GALNT14: variants seen among roughly 807,000 people sequenced by gnomAD.
The protein encoded by GALNT14 is UDP-GalNAc:polypeptide N-acetylgalactosaminyltransferase 14.
In GALNT14, 60 loss-of-function variants were observed where a neutral mutation model predicts 77.5. That is an observed-to-expected ratio of 0.77 (90% CI 0.63 to 0.96). The LOEUF is 0.96. Among genes scored for constraint, GALNT14 ranks in the 40% least tolerant of loss-of-function variants. GALNT14 has a pLI of 0.00. For synonymous variants in GALNT14, 280 were observed against 281.7 expected (o/e 0.99, Z 0.06); for missense variants, 710 against 731.0 (o/e 0.97, Z 0.33).
chr2:30,972,481 G>A (rs530950240), intron 2 of GALNT14, among the ~76,000 whole-genome samples: 64 of 152,278 alleles, frequency 4.2e-4, no homozygotes, highest in Non-Finnish European at 6.9e-4. Flanking sequence ...CAGGCACCAC[G>A]CAGAGCACCT....
At chr2:31,081,112 C>T (rs1309806922) in intron 1 of GALNT14, among the ~76,000 whole-genome samples, 1 of 152,180 alleles carries the variant, frequency 6.6e-6, no homozygotes, top group African/African-American at 2.4e-5. Flanking sequence ...ATTTCAAATG[C>T]ATTGTTGCTG....
chr2:31,015,243 G>T (rs1360473484), intron 1 of GALNT14, among the ~76,000 whole-genome samples: 2 of 148,174 alleles, frequency 1.3e-5, no homozygotes, highest in Non-Finnish European at 3.0e-5. Context: ...AGTGAGCCAA[G>T]AGCGTACCAT....
At chr2:31,006,131 G>A (rs2148430501) in intron 1 of GALNT14, among the ~76,000 whole-genome samples, 1 of 152,266 alleles carries the variant, frequency 6.6e-6, no homozygotes, top group East Asian at 1.9e-4. Context: ...GGCTCCATGG[G>A]CTGGAATGGC....
chr2:31,131,611 C>T (rs140331720), intron 1 of GALNT14, among the ~76,000 whole-genome samples: 6 of 152,220 alleles, frequency 3.9e-5, no homozygotes, highest in Admixed American at 3.9e-4. Context: ...AAAACTGGTT[C>T]CTGGGTGTCT....
At chr2:31,066,113 C>A (rs1329816590) in intron 1 of GALNT14, among the ~76,000 whole-genome samples, 1 of 152,202 alleles carries the variant, frequency 6.6e-6, no homozygotes, top group South Asian at 2.1e-4. Flanking sequence ...GAGGAGGAGG[C>A]ATACATGACA....
At chr2:31,062,439 A>G (rs1257991441) in intron 1 of GALNT14, among the ~76,000 whole-genome samples, 2 of 151,984 alleles carry the variant, frequency 1.3e-5, no homozygotes, top group Non-Finnish European at 2.9e-5. Flanking sequence ...TATGTGCCAC[A>G]TTTTCTTTAT....
intron 1 of GALNT14, among the ~76,000 whole-genome samples, chr2:31,132,380 T>A (rs540134147): frequency 6.6e-6 from 1 of 152,132 alleles, no homozygotes; most frequent in Non-Finnish European, 1.5e-5. Context: ...AACCTGCCAT[T>A]TGCATATTTC....
chr2:30,904,842 C>G, the GALNT14 span, among the ~76,000 whole-genome samples: 1 of 152,098 alleles, frequency 6.6e-6, no homozygotes, highest in Non-Finnish European at 1.5e-5. Context: ...CAGTGGTTCT[C>G]CCAGCACGCA....
At chr2:31,105,590 G>C (rs1324761788) in intron 1 of GALNT14, among the ~76,000 whole-genome samples, 1 of 152,076 alleles carries the variant, frequency 6.6e-6, no homozygotes, top group Non-Finnish European at 1.5e-5. Context: ...GCCAGGTGTG[G>C]TGGCCCATGC....
intron 9 of GALNT14, among the ~76,000 whole-genome samples, chr2:30,932,958 T>C (rs1477791612): frequency 6.6e-6 from 1 of 152,190 alleles, no homozygotes; most frequent in Non-Finnish European, 1.5e-5. Flanking sequence ...GGTTGGCTGC[T>C]GCTATGGGCC....
intron 1 of GALNT14, among the ~76,000 whole-genome samples, chr2:31,030,850 T>C (rs146043671): frequency 5.3e-5 from 8 of 152,274 alleles, no homozygotes; most frequent in Admixed American, 2.6e-4. Flanking sequence ...ACAGCCTAGA[T>C]TTAGACATGG....
intron 1 of GALNT14, among the ~76,000 whole-genome samples, chr2:31,087,524 G>GGAGAAGAGAGGGGAGGAGAGGAGAA (rs1245087202): frequency 6.6e-6 from 1 of 151,186 alleles, no homozygotes; most frequent in Admixed American, 6.6e-5. Flanking sequence ...GGAGAGGAGA[G>GGAGAAGAGAGGGGAGGAGAGGAGAA]GCGAGGAGAG....
chr2:31,088,521 C>T lies in GALNT14; in HGVS notation c.129+49437G>A, dbSNP rs113516904. Among the ~76,000 whole-genome samples the T allele has an allele frequency of 1.9e-3, 295 of 152,198 alleles. 4 individuals are homozygous for T. The highest frequency in any genetic ancestry group is 6.7e-3 in the African/African-American group (280 of 41,534). On this transcript the variant is annotated intron_variant, in intron 1 of 14. Coordinates refer to ENST00000349752, the MANE Select transcript of GALNT14 (RefSeq NM_024572.4). ...TAGCCTCTGGATGAAGGAGAATGAG[C>T]GATGTGTGGCACAGGCTTGGGACAC...
At chr2:30,993,919 C>T (rs1007451801) in intron 1 of GALNT14, among the ~76,000 whole-genome samples, 4 of 152,138 alleles carry the variant, frequency 2.6e-5, no homozygotes, top group Admixed American at 2.6e-4. Flanking sequence ...CTGCCCACAC[C>T]GGTTCCACAG....
chr2:30,919,526 T>C (rs1664907165), intron 13 of GALNT14, among the ~76,000 whole-genome samples: 1 of 152,188 alleles, frequency 6.6e-6, no homozygotes, highest in Non-Finnish European at 1.5e-5. Flanking sequence ...CATTCTCTGG[T>C]GCTTTTACTC....
chr2:30,893,098 AAGAAGTAAGTT>A, the GALNT14 span, among the ~76,000 whole-genome samples: 2 of 152,238 alleles, frequency 1.3e-5, no homozygotes, highest in Non-Finnish European at 2.9e-5. Context: ...AGAAATGAAA[AAGAAGTAAGTT>A]ATGAAATAGG....
chr2:30,953,835 G>A (rs1667191204), intron 6 of GALNT14, among the ~76,000 whole-genome samples: 2 of 152,170 alleles, frequency 1.3e-5, no homozygotes, highest in South Asian at 2.1e-4. Flanking sequence ...TTACCGGTAG[G>A]AAGCAAGCTT....
intron 13 of GALNT14, among the ~76,000 whole-genome samples, chr2:30,922,887 A>G (rs1419064003): frequency 2.0e-5 from 3 of 152,226 alleles, no homozygotes; most frequent in Non-Finnish European, 2.9e-5. Flanking sequence ...GAAGATAAGG[A>G]ATTTGTGAAT....
intron 1 of GALNT14, among the ~76,000 whole-genome samples, chr2:31,097,011 C>T (rs911703765): frequency 1.3e-5 from 2 of 152,102 alleles, no homozygotes; most frequent in African/African-American, 4.8e-5. Flanking sequence ...ACATGATTAG[C>T]ATAGTGCTGG....
Sources: allele counts gnomAD v4.1 joint callset (sites outside exome capture counted in the v4.1 genomes callset), GRCh38; gene constraint gnomAD v4.1.1; transcripts MANE v1.5; gene names NCBI Gene and HGNC (gene_info 2026-07-23, HGNC 2026-07-21).